The following ANK1 variants were observed in gnomAD, a reference collection of about 807,000 sequenced individuals.
The protein encoded by ANK1 is ankyrin-1.
Under a neutral mutation model 210.4 loss-of-function variants are expected in ANK1, and 51 were observed. The observed-to-expected ratio is 0.24, with a 90% confidence interval of 0.19 to 0.31. ANK1 has a LOEUF of 0.31. ANK1 is among the 10% of genes least tolerant of loss of function. The pLI is 1.00. For missense variants in ANK1, 2,051 were observed against 2,504.4 expected (o/e 0.82, Z 3.86); for synonymous variants, 967 against 1,025.9 (o/e 0.94, Z 1.10).
At position 41,699,943 on chromosome 8, in the gene ANK1, A is replaced by C. The variant is rs552227042; in HGVS notation, c.2462-395T>G. 3.9e-5 allele frequency among the ~76,000 whole-genome samples: 6 copies of C among 152,354 alleles called. No individual in the cohort carries two copies. In the South Asian group the frequency reaches 1.0e-3, roughly 26 times the overall value. The stretch of plus-strand genomic sequence containing the variant: ...AGTGGAACTGGACCCACTCATTTCA[A>C]AGGGCTGGAGAATTTTTTGTAACAA... On this transcript the variant is annotated intron_variant, in intron 22 of 42. Coordinates refer to ENST00000289734, the MANE Select transcript of ANK1 (RefSeq NM_000037.4).
intron 13 of ANK1, 86 bp from the exon 14 acceptor site, chr8:41,715,935 C>T: frequency 6.6e-7 from 1 of 1,508,330 alleles, no homozygotes; most frequent in Non-Finnish European, 9.1e-7. Context: ...AAGGCAGGGC[C>T]CAGAGAGGGC....
At position 41,696,449 on chromosome 8, in the gene ANK1, C is replaced by T. The variant is rs376437485; in HGVS notation, c.2874G>A (p.Lys958=). 6.2e-7 allele frequency: 1 copy of T among 1,613,358 alleles called. No homozygotes were observed. The highest frequency in any genetic ancestry group is 8.5e-7 in the Non-Finnish European group (1 of 1,179,916). ...CGGCCAGTGGGGGCGGCGTGCTGAG[C>T]TTCTGGGGCTTGACCAGGCGGCAGG... ...RITCRLVKPQ[K]LSTPPPLAEE... Residue 958 remains lysine, a synonymous_variant, in exon 26 of 43, where the codon AAG becomes AAA. Transcript: ENST00000289734.
At chr8:41,782,405 C>A (rs1189696740) in intron 1 of ANK1, among the ~76,000 whole-genome samples, 1 of 152,184 alleles carries the variant, frequency 6.6e-6, no homozygotes, top group African/African-American at 2.4e-5. Flanking sequence ...CTTAATGTCA[C>A]CCTCTGCGTC....
chr8:41,736,575 C>T (rs942858220), intron 2 of ANK1, among the ~76,000 whole-genome samples: 6 of 152,118 alleles, frequency 3.9e-5, no homozygotes, highest in Admixed American at 1.3e-4. Flanking sequence ...GAAGCTGACT[C>T]GCAGTGGCAG....
rs1176877416 is a variant in ANK1, at chr8:41,690,594, C to T, written c.3864G>A (p.Leu1288=). Residue 1288 remains leucine, a synonymous_variant, in exon 32 of 43, where the codon TTG becomes TTA. Coordinates refer to ENST00000289734, the MANE Select transcript of ANK1 (RefSeq NM_000037.4). ...EVARSRDIEV[L]EGMSLFAELS... is the part of the protein sequence containing the mutation. ...GTTCTGCAAACAGGGACATTCCTTC[C>T]AACACCTGCAGGAGAGGAAAAGCAG... 6 of 1,612,660 alleles carry T rather than the reference C, an allele frequency of 3.7e-6. No individual in the cohort carries two copies. Among genetic ancestry groups the T allele is most frequent in the Non-Finnish European group, 5.1e-6 (6 of 1,179,994 alleles).
chr8:41,726,006 G>T, intron 5 of ANK1, 60 bp from the exon 6 acceptor site: 1 of 1,571,564 alleles, frequency 6.4e-7, no homozygotes. Context: ...CCCTTCACAC[G>T]GGACACACCC....
intron 9 of ANK1, among the ~76,000 whole-genome samples, chr8:41,722,401 G>A (rs576211743): frequency 6.6e-5 from 10 of 152,306 alleles, no homozygotes; most frequent in African/African-American, 1.2e-4. Flanking sequence ...AGAACTGCTC[G>A]TGGGAAACCT....
At chr8:41,746,899 G>T (rs1309842240) in intron 2 of ANK1, among the ~76,000 whole-genome samples, 1 of 150,282 alleles carries the variant, frequency 6.7e-6, no homozygotes, top group Non-Finnish European at 1.5e-5. Context: ...CAGACCTTTA[G>T]AAGAAGGGCA....
intron 1 of ANK1, among the ~76,000 whole-genome samples, chr8:41,814,060 C>T (rs1802903185): frequency 6.6e-6 from 1 of 152,192 alleles, no homozygotes; most frequent in Non-Finnish European, 1.5e-5. Context: ...ACTATACTGC[C>T]ATTTTAAAAA....
chr8:41,860,461 A>C (rs1339591468), intron 1 of ANK1, among the ~76,000 whole-genome samples: 2 of 152,194 alleles, frequency 1.3e-5, no homozygotes, highest in Non-Finnish European at 2.9e-5. Context: ...AGGCCAAGTT[A>C]TGAGCCCCTG....
At chr8:41,883,430 G>A (rs1269626978) in intron 1 of ANK1, among the ~76,000 whole-genome samples, 1 of 149,658 alleles carries the variant, frequency 6.7e-6, no homozygotes, top group East Asian at 2.0e-4. Flanking sequence ...CAGGTACCGA[G>A]AAGGATCTCA....
At chr8:41,890,029 C>A (rs1819124314) in intron 1 of ANK1, among the ~76,000 whole-genome samples, 1 of 152,184 alleles carries the variant, frequency 6.6e-6, no homozygotes, top group South Asian at 2.1e-4. Context: ...CCTTCCCCGG[C>A]AAACCTCAAG....
chr8:41,703,448 A>ATTTTTTTT (rs1198353842), intron 20 of ANK1, among the ~76,000 whole-genome samples: 42 of 60,178 alleles, frequency 7.0e-4, no homozygotes, highest in African/African-American at 2.7e-3. Flanking sequence ...ATATATATAT[A>ATTTTTTTT]TATTTTTTTT....
At chr8:41,723,746 G>T in intron 7 of ANK1, 113 bp from the exon 8 acceptor site, 1 of 806,332 alleles carries the variant, frequency 1.2e-6, no homozygotes. Flanking sequence ...CAACAGCGTT[G>T]TCAGGGCATT....
rs557330744 is a variant in ANK1, at chr8:41,761,778, C to G, written c.28-3641G>C. Among the ~76,000 whole-genome samples the G allele has an allele frequency of 2.0e-5, 3 of 152,290 alleles. No homozygotes were observed. In the East Asian group the frequency reaches 5.8e-4, roughly 29 times the overall value. ...AAAGCAGCGCTTCACGTCTTCACCA[C>G]TGAAACAGGGAGTCCCTAGGGCATC... On this transcript the variant is annotated intron_variant, in intron 1 of 42. Coordinates refer to ENST00000289734, the MANE Select transcript of ANK1 (RefSeq NM_000037.4).
intron 2 of ANK1, among the ~76,000 whole-genome samples, chr8:41,753,562 C>T (rs1464671728): frequency 6.6e-6 from 1 of 152,092 alleles, no homozygotes; most frequent in Admixed American, 6.5e-5. Flanking sequence ...AGTTTAGATT[C>T]GGGGGTACCT....
rs1211995221 is a variant in ANK1, at chr8:41,713,246, A to G, written c.1800+910T>C. On this transcript the variant is annotated intron_variant, in intron 16 of 42. Coordinates refer to ENST00000289734, the MANE Select transcript of ANK1 (RefSeq NM_000037.4). ...TCCCGTGCGCCTGGCTGCCCCATAG[A>G]GTGCGGGTACTGCGTGTGGCTTTTG... Among the ~76,000 whole-genome samples the G allele has an allele frequency of 2.0e-5, 3 of 152,120 alleles. No individual in the cohort carries two copies. The East Asian group carries it at 5.8e-4, about 29-fold the overall frequency.
chr8:41,838,584 G>C (rs1808229612), intron 1 of ANK1, among the ~76,000 whole-genome samples: 1 of 151,864 alleles, frequency 6.6e-6, no homozygotes, highest in African/African-American at 2.4e-5. Flanking sequence ...TGGCCAACAT[G>C]GTGAAACCCC....
At chr8:41,895,318 C>A (rs1200838907) in intron 1 of ANK1, among the ~76,000 whole-genome samples, 3 of 148,382 alleles carry the variant, frequency 2.0e-5, no homozygotes, top group Non-Finnish European at 4.5e-5. Context: ...GAAAATAGCT[C>A]TCCTGAATCC....
Sources: allele counts gnomAD v4.1 joint callset (sites outside exome capture counted in the v4.1 genomes callset), GRCh38; gene constraint gnomAD v4.1.1; transcripts MANE v1.5; gene names NCBI Gene and HGNC (gene_info 2026-07-23, HGNC 2026-07-21).